NCAPH: variants seen among roughly 807,000 people sequenced by gnomAD.
NCAPH encodes the protein non-SMC condensin I complex subunit H, also known as condensin complex subunit 2.
Under a neutral mutation model 85.5 loss-of-function variants are expected in NCAPH, and 38 were observed. The ratio of observed to expected loss-of-function variants is 0.44; its 90% confidence interval spans 0.34 to 0.58. The LOEUF is 0.58. NCAPH is among the 20% of genes least tolerant of loss of function. The pLI, the probability that NCAPH is intolerant of heterozygous loss-of-function variation, is 0.01. For synonymous variants in NCAPH, 301 were observed against 335.1 expected (o/e 0.90, Z 1.11); for missense variants, 789 against 916.6 (o/e 0.86, Z 1.80).
chr2:96,335,878 G>C (rs1431236884), intron 1 of NCAPH, 30 bp downstream of exon 1: 2 of 1,451,560 alleles, frequency 1.4e-6, no homozygotes, highest in Admixed American at 3.0e-5. Flanking sequence ...GGCGCGGCGG[G>C]AAGGGCCCCT....
chr2:96,367,651 T>A (rs908693478), intron 15 of NCAPH, among the ~76,000 whole-genome samples: 2 of 152,166 alleles, frequency 1.3e-5, no homozygotes, highest in African/African-American at 4.8e-5. Flanking sequence ...AGATCCTGTA[T>A]CTTGAAAAAG....
chr2:96,362,179 C>T (rs1453099401), intron 12 of NCAPH, among the ~76,000 whole-genome samples: 1 of 151,692 alleles, frequency 6.6e-6, no homozygotes, highest in Non-Finnish European at 1.5e-5. Context: ...ATGATCATGC[C>T]AGTGCACTCC....
In NCAPH at chr2:96,367,292, C is replaced by A; in HGVS notation, c.1917C>A (p.Ala639=). ...NKIEIHYAKT[A]KKMDMKKLKQ... ...TTGAAATTCACTATGCCAAGACTGC[C>A]AAAAAGATGGACATGAAGAAACTGA... Residue 639 remains alanine (A), a synonymous_variant, in exon 15 of 18, where the codon GCC becomes GCA. Transcript: ENST00000240423. 6.2e-7 allele frequency: 1 copy of A among 1,613,280 alleles called. No individual in the cohort carries two copies. The highest frequency in any genetic ancestry group is 1.1e-5 in the South Asian group (1 of 91,020).
chr2:96,365,449 C>T (rs2064683661), intron 13 of NCAPH, among the ~76,000 whole-genome samples: 1 of 151,572 alleles, frequency 6.6e-6, no homozygotes, highest in African/African-American at 2.4e-5. Flanking sequence ...TGGATGTGAT[C>T]GCAAAAATGA....
rs1271920526 is a variant in NCAPH, at chr2:96,373,424, G to A, written c.*73G>A. On this transcript the variant is annotated 3_prime_UTR_variant, in exon 18 of 18. Coordinates refer to ENST00000240423, the MANE Select transcript of NCAPH (RefSeq NM_015341.5). ...TGCCGGGACATCCCCAGTCTCGGGG[G>A]AAGAAGATGCCATGGGCTTATACCC... 7.0e-6 allele frequency: 10 copies of A among 1,435,012 alleles called. No homozygotes were observed. The East Asian group carries it at 9.1e-5, about 13-fold the overall frequency. The allele number at this position is 1,435,012 out of a possible 1,614,324, so 88.9% of individuals were successfully genotyped here.
At chr2:96,367,043 C>T (rs994746625) in intron 14 of NCAPH, among the ~76,000 whole-genome samples, 5 of 152,158 alleles carry the variant, frequency 3.3e-5, no homozygotes, top group African/African-American at 1.2e-4. Flanking sequence ...TTGCAGTGAG[C>T]TGAGATTGCA....
At chr2:96,353,506 A>C in intron 8 of NCAPH, 109 bp downstream of exon 8, 1 of 988,910 alleles carries the variant, frequency 1.0e-6, no homozygotes, top group Non-Finnish European at 1.5e-6. Flanking sequence ...AGGAGTACAG[A>C]AAATATTTCC....
intron 1 of NCAPH, among the ~76,000 whole-genome samples, chr2:96,337,766 C>T (rs917731059): frequency 3.3e-5 from 5 of 152,084 alleles, no homozygotes; most frequent in Non-Finnish European, 7.4e-5. Flanking sequence ...GGCTGGAGTG[C>T]GTGGCTATTG....
intron 13 of NCAPH, 117 bp downstream of exon 13, chr2:96,364,708 G>A: frequency 1.4e-6 from 1 of 712,980 alleles, no homozygotes. Context: ...ATCCAGTGGA[G>A]GTTTTCTGGG....
At chr2:96,369,567 G>C in intron 17 of NCAPH, 67 bp downstream of exon 17, 1 of 1,479,540 alleles carries the variant, frequency 6.8e-7, no homozygotes, top group Non-Finnish European at 9.4e-7. Context: ...ATTTAGCTTT[G>C]TATTTGATCT....
chr2:96,358,625 C>A (rs1256694500), intron 9 of NCAPH, among the ~76,000 whole-genome samples: 3 of 152,148 alleles, frequency 2.0e-5, no homozygotes, highest in Non-Finnish European at 4.4e-5. Context: ...CCCGCCACCA[C>A]GCCCGGCTAA....
chr2:96,354,476 T>G (rs756427617), intron 9 of NCAPH, 88 bp downstream of exon 9: 44 of 1,188,848 alleles, frequency 3.7e-5, no homozygotes, highest in Non-Finnish European at 4.7e-5. Flanking sequence ...TAAAAAATTT[T>G]TCTTTCTTTT....
intron 6 of NCAPH, among the ~76,000 whole-genome samples, chr2:96,347,600 A>G (rs2064378968): frequency 6.6e-6 from 1 of 151,930 alleles, no homozygotes; most frequent in African/African-American, 2.4e-5. Context: ...AGGAAATACC[A>G]GTTTTTGAGG....
chr2:96,341,700 C>T lies in NCAPH; in HGVS notation c.78C>T (p.Ala26=), dbSNP rs756464742. The T allele has an allele frequency of 1.2e-5, 20 of 1,614,106 alleles. No homozygotes were observed. The highest frequency in any genetic ancestry group is 5.3e-5 in the African/African-American group (4 of 74,920). ...SSETRGHPHS[A]SSPSERVFPM... ...AGACGCGAGGACACCCCCACAGTGC[C>T]TCCTCTCCTTCAGAGCGTGTGTTCC... Residue 26 remains alanine (A), a synonymous_variant, in exon 2 of 18, where the codon GCC becomes GCT. Transcript: ENST00000240423.
chr2:96,344,134 A>G lies in NCAPH; in HGVS notation c.625A>G (p.Lys209Glu). Reference protein sequence around the residue: ...DGSATEMGTTKKAVKPKKKHL... With the variant: ...DGSATEMGTTEKAVKPKKKHL... ...AAGTGCTACTGAAATGGGAACAACC[A>G]AAAAGGCTGTAAAGCCAAAGAAGAA... is the stretch of plus-strand genomic sequence containing the variant. Residue 209 changes from lysine to glutamate, a missense_variant, in exon 6 of 18, where the codon AAA (lysine) becomes GAA (glutamate). Transcript: ENST00000240423. 5 of 1,613,106 alleles carry G rather than the reference A, an allele frequency of 3.1e-6. No individual in the cohort carries two copies. The highest frequency in any genetic ancestry group is 4.2e-6 in the Non-Finnish European group (5 of 1,179,668).
intron 14 of NCAPH, 53 bp downstream of exon 14, chr2:96,366,111 G>A (rs576143952): frequency 6.3e-7 from 1 of 1,575,098 alleles, no homozygotes; most frequent in African/African-American, 1.3e-5. Flanking sequence ...CTATTTAATT[G>A]TCTCTTATAT....
rs925340747 is a variant in NCAPH, at chr2:96,375,460, C to G, written c.*2109C>G. 1.3e-5 allele frequency among the ~76,000 whole-genome samples: 2 copies of G among 152,150 alleles called. No homozygotes were observed. Among genetic ancestry groups the G allele is most frequent in the Admixed American group, 6.5e-5 (1 of 15,274 alleles). ...CTCTTATAAAAGAGGCCTGAGGAAG[C>G]TTGTTCGTTCCTCTTGCCCTTCTGC... On this transcript the variant is annotated 3_prime_UTR_variant, in exon 18 of 18. Transcript: ENST00000240423.
chr2:96,361,900 A>G (rs192631932), intron 12 of NCAPH, among the ~76,000 whole-genome samples: 1 of 144,808 alleles, frequency 6.9e-6, no homozygotes, highest in African/African-American at 2.6e-5. Context: ...TTTTTTAGAG[A>G]CAGGGTCTTG....
At position 96,358,649 on chromosome 2, in the gene NCAPH, T is replaced by C. The variant is rs2064557800; in HGVS notation, c.1209-396T>C. ...ACGCCCGGCTAATTTTTTGTATTTTTAGTAGAGACGGCGTTTCACTGTGTT... is the reference window on the plus strand; with the variant it reads ...ACGCCCGGCTAATTTTTTGTATTTTCAGTAGAGACGGCGTTTCACTGTGTT... On this transcript the variant is annotated intron_variant, in intron 9 of 17. Transcript: ENST00000240423. 3.3e-5 allele frequency among the ~76,000 whole-genome samples: 5 copies of C among 152,278 alleles called. No homozygotes were observed. The South Asian group carries it at 1.0e-3, about 32-fold the overall frequency.
Sources: allele counts gnomAD v4.1 joint callset (sites outside exome capture counted in the v4.1 genomes callset), GRCh38; gene constraint gnomAD v4.1.1; transcripts MANE v1.5; gene names NCBI Gene and HGNC (gene_info 2026-07-23, HGNC 2026-07-21).